ZIM3: variants seen among roughly 807,000 people sequenced by gnomAD.
ZIM3 encodes zinc finger imprinted 3.
A neutral mutation model predicts 12.9 loss-of-function variants in ZIM3; 11 were observed. The ratio of observed to expected loss-of-function variants is 0.85; its 90% CI spans 0.54 to 1.41. ZIM3 has a LOEUF of 1.41. ZIM3 is among the 40% of genes most tolerant of loss of function. The pLI is 0.00. For missense variants in ZIM3, 604 were observed against 557.2 expected, an observed-to-expected ratio of 1.08 and a Z score of -0.85; for synonymous variants, 205 against 198.5, an observed-to-expected ratio of 1.03 and a Z score of -0.28.
Position 57,135,704 on chromosome 19 carries a change from A to G in ZIM3, c.633T>C (p.Asp211=), listed in dbSNP as rs761369261. Residue 211 remains aspartate (D), a synonymous_variant, in exon 5 of 5, where the codon GAT becomes GAC. Transcript: ENST00000269834. ...GRAFGEKWKL[D]KHQKTHAEER... ...CCTCTGCGTGAGTTTTCTGATGTTTATCAAGCTTCCACTTCTCCCCGAATG... is the reference window on the plus strand; with the variant it reads ...CCTCTGCGTGAGTTTTCTGATGTTTGTCAAGCTTCCACTTCTCCCCGAATG... The G allele has an allele frequency of 1.2e-6, 2 of 1,613,770 alleles. No homozygotes were observed. The highest frequency in any genetic ancestry group is 1.7e-6 in the Non-Finnish European group (2 of 1,180,004).
At chr19:57,140,135 G>T (rs1356343943) in intron 2 of ZIM3, among the ~76,000 whole-genome samples, 1 of 152,158 alleles carries the variant, frequency 6.6e-6, no homozygotes, top group African/African-American at 2.4e-5. Flanking sequence ...AGTTGTGTTT[G>T]TGCTCTAGCT....
In ZIM3 at chr19:57,135,640, T is replaced by G; in HGVS notation, c.697A>C (p.Lys233Gln). Residue 233 changes from lysine (K) to glutamine (Q), a missense_variant, in exon 5 of 5, where the codon AAG (lysine) becomes CAG (glutamine). Lys to Gln is a moderately conservative substitution (Grantham distance 53, BLOSUM62 1). Coordinates refer to ENST00000269834, the MANE Select transcript of ZIM3 (RefSeq NM_052882.1). ...TGTTGAAAGAGATTTGACTTCTGCT[T>G]GTAGGCATTTCCACAGTTCTCACAT... is the stretch of plus-strand genomic sequence containing the variant. ...YKCENCGNAY[K>Q]QKSNLFQHQK... is the part of the protein sequence containing the mutation. The G allele has an allele frequency of 6.2e-7, 1 of 1,612,030 alleles. No individual in the cohort carries two copies. The highest frequency in any genetic ancestry group is 8.5e-7 in the Non-Finnish European group (1 of 1,178,310).
At chr19:57,142,784 C>G in intron 1 of ZIM3, 99 bp from the exon 2 acceptor site, 2 of 881,944 alleles carry the variant, frequency 2.3e-6, no homozygotes, top group South Asian at 1.7e-5. Flanking sequence ...TAAAAGCTCT[C>G]CCTAACCCAC....
rs535752121 is a variant in ZIM3 at position 57,140,066 on chromosome 19, C to T, written c.16-1468G>A. ...GTAAAGCGAATTCCTTTGTCAGAAA[C>T]TGAAAATCTCACCTCTAAGAGCCAG... On this transcript the variant is annotated intron_variant, in intron 2 of 4. Coordinates refer to ENST00000269834, the MANE Select transcript of ZIM3 (RefSeq NM_052882.1). Among the ~76,000 whole-genome samples, 158 of 152,310 alleles carry T rather than the reference C, an allele frequency of 1.0e-3. 1 individual carries two copies. Among genetic ancestry groups the T allele is most frequent in the Middle Eastern group, 3.4e-3 (1 of 294 alleles).
At chr19:57,139,160 C>G (rs1046324391) in intron 2 of ZIM3, among the ~76,000 whole-genome samples, 5 of 151,994 alleles carry the variant, frequency 3.3e-5, no homozygotes, top group Admixed American at 1.3e-4. Context: ...AACCCCATCT[C>G]TACTAAAAAT....
At chr19:57,142,814 T>C (rs904085464) in intron 1 of ZIM3, 129 bp from the exon 2 acceptor site, 8 of 641,080 alleles carry the variant, frequency 1.2e-5, no homozygotes, top group Non-Finnish European at 1.9e-5. Context: ...CCCTGACTTG[T>C]ACCTCAGTGA....
rs766468686 is a variant in ZIM3 at position 57,135,323 on chromosome 19, G to A, written c.1014C>T (p.Ser338=). The change falls in exon 5 of 5, where the codon AGC becomes AGT. Residue 338 remains serine, a synonymous_variant. Transcript: ENST00000269834. ...TCTGGGAAAAGGCCTTCTCACATAT[G>A]CTACATTTATAGGGTTTCTCTCCCG... is the stretch of plus-strand genomic sequence containing the variant. ...IHTGEKPYKC[S]ICEKAFSQKS... is the part of the protein sequence containing the mutation. The A allele has an allele frequency of 6.2e-7, 1 of 1,614,078 alleles. No homozygotes were observed. Among genetic ancestry groups the A allele is most frequent in the Admixed American group, 1.7e-5 (1 of 60,000 alleles).
Position 57,135,097 on chromosome 19 carries a change from TATGAGTTTTCTG to T in ZIM3, c.1228_1239del (p.Gln410_His413del). ...CTACATCTATAGGTCCTCTCTCCGC[TATGAGTTTTCTG>T]ATGGCTATGAAGGTTTGACTTCTGA... On this transcript the variant is annotated inframe_deletion, in exon 5 of 5. Transcript: ENST00000269834. 6.2e-7 allele frequency: 1 copy of T among 1,614,236 alleles called. No individual in the cohort carries two copies. The highest frequency in any genetic ancestry group is 1.1e-5 in the South Asian group (1 of 91,088).
rs1219315203 is a variant in ZIM3, at chr19:57,135,498, T to G, written c.839A>C (p.Gln280Pro). The change falls in exon 5 of 5, where the codon CAG (glutamine) becomes CCG (proline). Residue 280 changes from glutamine (Q) to proline (P), a missense_variant. Gln to Pro is a moderately conservative substitution (Grantham distance 76). Coordinates refer to ENST00000269834, the MANE Select transcript of ZIM3 (RefSeq NM_052882.1). ...GAAGGATTTCTCACATTCATTACACTGATAGGATTTCTTGGCATTATGAAT... is the reference window on the plus strand; with the variant it reads ...GAAGGATTTCTCACATTCATTACACGGATAGGATTTCTTGGCATTATGAAT... The part of the protein sequence containing the change: ...EKIHNAKKSY[Q>P]CNECEKSFRQ... The G allele has an allele frequency of 1.2e-6, 2 of 1,614,094 alleles. No individual in the cohort carries two copies. The highest frequency in any genetic ancestry group is 2.2e-5 in the South Asian group (2 of 91,080).
chr19:57,134,103 A>G lies in ZIM3; in HGVS notation c.*815T>C, dbSNP rs528535882. ...GACACCCTATCTCAAAAGGAAAAAC[A>G]AAAAAGGCAAATGGCAATTGCAGTG... On this transcript the variant is annotated 3_prime_UTR_variant, in exon 5 of 5. Transcript: ENST00000269834. The G allele has an allele frequency of 3.9e-5, 6 of 152,292 alleles. No individual in the cohort carries two copies. The South Asian group carries it at 1.0e-3, about 26-fold the overall frequency. The allele number at this position is 152,292 out of a possible 1,614,324, so 9.4% of individuals were successfully genotyped here.
rs143672147 is a variant in ZIM3 at position 57,139,598 on chromosome 19, C to T, written c.16-1000G>A. 8.2e-3 allele frequency among the ~76,000 whole-genome samples: 1,239 copies of T among 150,810 alleles called. 19 individuals are homozygous for T. The highest frequency in any genetic ancestry group is 0.029 in the African/African-American group (1,186 of 41,258). On this transcript the variant is annotated intron_variant, in intron 2 of 4. Coordinates refer to ENST00000269834, the MANE Select transcript of ZIM3 (RefSeq NM_052882.1). Reference sequence around the variant, plus strand: ...AAAATTAGCCAGGTGTCGTGGTGCGCGCCTGTAATCCCAGCTACTCAGGAG... The same window carrying T: ...AAAATTAGCCAGGTGTCGTGGTGCGTGCCTGTAATCCCAGCTACTCAGGAG...
At chr19:57,143,675 CT>C (rs71186226) in intron 1 of ZIM3, among the ~76,000 whole-genome samples, 57,701 of 138,860 alleles carry the variant, frequency 0.42, 12,700 homozygotes, top group South Asian at 0.54. Context: ...CCAGGAGTTA[CT>C]TTTTTTTTTT....
chr19:57,135,839 T>C lies in ZIM3; in HGVS notation c.498A>G (p.Gln166=). ...GNNPSKFVGQ[Q]LKCNACRKLF... Reference sequence around the variant, plus strand: ...ACTTTCTACAGGCATTACATTTCAGTTGTTGTCCTACAAATTTGGATGGAT... The same window carrying C: ...ACTTTCTACAGGCATTACATTTCAGCTGTTGTCCTACAAATTTGGATGGAT... Residue 166 remains glutamine, a synonymous_variant, in exon 5 of 5, where the codon CAA becomes CAG. Coordinates refer to ENST00000269834, the MANE Select transcript of ZIM3 (RefSeq NM_052882.1). 1 of 1,614,176 alleles carries C rather than the reference T, an allele frequency of 6.2e-7. No homozygotes were observed. Among genetic ancestry groups the C allele is most frequent in the East Asian group, 2.2e-5 (1 of 44,876 alleles).
chr19:57,140,428 G>A (rs549682933), intron 2 of ZIM3, among the ~76,000 whole-genome samples: 91 of 152,006 alleles, frequency 6.0e-4, no homozygotes, highest in Non-Finnish European at 1.0e-3. Flanking sequence ...TGCCCGCATC[G>A]GCCTCCCGAA....
intron 3 of ZIM3, 64 bp from the exon 4 acceptor site, chr19:57,137,035 T>C (rs1375373965): frequency 6.6e-7 from 1 of 1,503,986 alleles, no homozygotes; most frequent in Non-Finnish European, 9.3e-7. Flanking sequence ...TGCAAGTGTA[T>C]GAGTGTATAT....
intron 2 of ZIM3, 117 bp downstream of exon 2, chr19:57,142,512 A>T: frequency 9.6e-7 from 1 of 1,040,954 alleles, no homozygotes; most frequent in South Asian, 1.5e-5. Flanking sequence ...CTTTTAATAG[A>T]AGTATGGAAG....
chr19:57,136,909 A>G lies in ZIM3; in HGVS notation c.205T>C (p.Leu69=), dbSNP rs4801200. 6.2e-7 allele frequency: 1 copy of G among 1,613,506 alleles called. No homozygotes were observed. The highest frequency in any genetic ancestry group is 1.3e-5 in the African/African-American group (1 of 74,804). Reference sequence around the variant, plus strand: ...CTTCCCAGCACTTCCTCTTCCTCCAACCATGGCTCCTTTCCTTGTTCCAAC... The same window carrying G: ...CTTCCCAGCACTTCCTCTTCCTCCAGCCATGGCTCCTTTCCTTGTTCCAAC... ...LRLEQGKEPW[L]EEEEVLGSGR... is the part of the protein sequence containing the mutation. Residue 69 remains leucine (L), a synonymous_variant, in exon 4 of 5, where the codon TTG becomes CTG. Transcript: ENST00000269834.
chr19:57,134,948 A>C lies in ZIM3; in HGVS notation c.1389T>G (p.Val463=). The change falls in exon 5 of 5, where the codon GTT becomes GTG. Residue 463 remains valine, a synonymous_variant. Transcript: ENST00000269834. ...TGGAGTGAATTCTTTTCTGGTGCCT[A>C]ACAAGGTATGACCTGTCAGCGAAGG... is the stretch of plus-strand genomic sequence containing the variant. ...GKAFADRSYL[V]RHQKRIHSR 1 of 1,613,168 alleles carries C rather than the reference A, an allele frequency of 6.2e-7. No homozygotes were observed. The highest frequency in any genetic ancestry group is 8.5e-7 in the Non-Finnish European group (1 of 1,179,528).
rs1568457737 is a variant in ZIM3 at position 57,134,516 on chromosome 19, G to A, written c.*402C>T. On this transcript the variant is annotated 3_prime_UTR_variant, in exon 5 of 5. Transcript: ENST00000269834. ...GCTGGTCTCGAACTCCTGACCTCAGGTGATGCGCCCACCTCAGCCTCCCAA... is the reference window on the plus strand; with the variant it reads ...GCTGGTCTCGAACTCCTGACCTCAGATGATGCGCCCACCTCAGCCTCCCAA... The A allele has an allele frequency of 6.2e-6, 1 of 162,580 alleles. No homozygotes were observed. Among genetic ancestry groups the A allele is most frequent in the Non-Finnish European group, 1.3e-5 (1 of 74,108 alleles). The allele number at this position is 162,580 out of a possible 1,614,324, so 10.1% of individuals were successfully genotyped here.
Sources: gnomAD v4.1 joint callset for allele counts (sites outside exome capture counted in the v4.1 genomes callset) on GRCh38, gnomAD v4.1.1 for gene constraint, MANE v1.5 for transcripts, NCBI Gene and HGNC (gene_info 2026-07-23, HGNC 2026-07-21) for gene names.